The following GMPS variants were observed in gnomAD, a reference collection of about 807,000 sequenced individuals.
The protein encoded by GMPS is guanosine monophosphate synthase.
A neutral mutation model predicts 77.9 loss-of-function variants in GMPS; 15 were observed. The ratio of observed to expected loss-of-function variants is 0.19; its 90% CI spans 0.13 to 0.30. GMPS has a LOEUF of 0.30. Ranked by LOEUF, GMPS falls within the 10% of genes least tolerant of loss-of-function variation. The pLI is 1.00. For synonymous variants in GMPS, 224 were observed against 275.9 expected (o/e 0.81, Z 1.86); for missense variants, 590 against 838.8 (o/e 0.70, Z 3.66).
At chr3:155,880,378 G>C (rs1016345737) in intron 1 of GMPS, among the ~76,000 whole-genome samples, 1 of 152,168 alleles carries the variant, frequency 6.6e-6, no homozygotes, top group Non-Finnish European at 1.5e-5. Flanking sequence ...TGAAGGCTGA[G>C]GGTAACAGTT....
chr3:155,924,891 TAAAA>T (rs201051032), intron 11 of GMPS, among the ~76,000 whole-genome samples: 21 of 150,790 alleles, frequency 1.4e-4, no homozygotes, highest in African/African-American at 4.6e-4. Flanking sequence ...ACCAGGTAAA[TAAAA>T]AAAAAGAAAT....
Position 155,870,912 on chromosome 3 carries a change from C to T in GMPS, c.27+15C>T. The T allele has an allele frequency of 2.7e-6, 4 of 1,472,718 alleles. No individual in the cohort carries two copies. Among genetic ancestry groups the T allele is most frequent in the Non-Finnish European group, 3.6e-6 (4 of 1,113,548 alleles). 91.2% of individuals were successfully genotyped at this position (1,472,718 alleles called of 1,614,324 possible). On this transcript the variant is annotated intron_variant, in intron 1 of 15. Transcript: ENST00000496455. ...GAGACTCCAAGGTCAGCGTGGGGGTCCCTGCAGCACCGCATCCCGGCGGAG... is the reference window on the plus strand; with the variant it reads ...GAGACTCCAAGGTCAGCGTGGGGGTTCCTGCAGCACCGCATCCCGGCGGAG...
chr3:155,872,390 T>C (rs1257340244), intron 1 of GMPS, among the ~76,000 whole-genome samples: 1 of 152,234 alleles, frequency 6.6e-6, no homozygotes, highest in Non-Finnish European at 1.5e-5. Flanking sequence ...ATTGTCCAGC[T>C]CTTTCCCGAT....
chr3:155,931,915 T>A, intron 13 of GMPS, 35 bp downstream of exon 13: 1 of 923,766 alleles, frequency 1.1e-6, no homozygotes, highest in Non-Finnish European at 1.8e-6. Context: ...GGGGCTTGTG[T>A]AATGGAAGGA....
At chr3:155,907,224 T>G (rs1264445070) in intron 5 of GMPS, among the ~76,000 whole-genome samples, 1 of 152,212 alleles carries the variant, frequency 6.6e-6, no homozygotes, top group Non-Finnish European at 1.5e-5. Flanking sequence ...TGTATTTTTA[T>G]TCATCCAACA....
intron 1 of GMPS, among the ~76,000 whole-genome samples, chr3:155,881,163 A>AG (rs1300771469): frequency 9.1e-6 from 1 of 109,602 alleles, no homozygotes; most frequent in African/African-American, 3.4e-5. Context: ...CTTTGATATT[A>AG]GTTTTTTTTT....
intron 11 of GMPS, among the ~76,000 whole-genome samples, chr3:155,922,919 C>A (rs1273017876): frequency 6.6e-6 from 1 of 152,016 alleles, no homozygotes; most frequent in Non-Finnish European, 1.5e-5. Flanking sequence ...GGGAGTTAGG[C>A]AAGGAAAAAT....
intron 13 of GMPS, among the ~76,000 whole-genome samples, chr3:155,933,194 A>G (rs1025227085): frequency 6.6e-5 from 10 of 152,218 alleles, no homozygotes; most frequent in African/African-American, 2.4e-4. Flanking sequence ...TTCATCTCAA[A>G]AAAAGGAAAA....
At position 155,914,530 on chromosome 3, in the gene GMPS, C is replaced by T; in HGVS notation, c.998C>T (p.Pro333Leu). ...ISKTLNMTTS[P>L]EEKRKIIGDT... ...AAAACGTTAAATATGACCACAAGTC[C>T]TGAAGAGAAAAGAAAAATCATTGGG... The change falls in exon 8 of 16, where the codon CCT (proline) becomes CTT (leucine). Residue 333 changes from proline (P) to leucine (L), a missense_variant. Around this residue, in one of 6 missense-constraint regions of GMPS, gnomAD observed 181 missense variants for 186.8 expected, o/e 0.97. Coordinates refer to ENST00000496455, the MANE Select transcript of GMPS (RefSeq NM_003875.3). The T allele has an allele frequency of 1.9e-6, 3 of 1,596,020 alleles. No homozygotes were observed. Among genetic ancestry groups the T allele is most frequent in the Non-Finnish European group, 2.6e-6 (3 of 1,173,650 alleles).
At chr3:155,923,142 T>A (rs1338442658) in intron 11 of GMPS, among the ~76,000 whole-genome samples, 3 of 152,074 alleles carry the variant, frequency 2.0e-5, no homozygotes, top group Non-Finnish European at 4.4e-5. Context: ...CTATTCATAA[T>A]AAGAATAATG....
intron 13 of GMPS, among the ~76,000 whole-genome samples, chr3:155,934,590 G>T (rs1326851186): frequency 6.6e-6 from 1 of 152,182 alleles, no homozygotes; most frequent in Non-Finnish European, 1.5e-5. Context: ...GAGATTCTGG[G>T]TGGGCATGAA....
At chr3:155,903,602 T>G (rs140619027) in intron 3 of GMPS, among the ~76,000 whole-genome samples, 5 of 152,344 alleles carry the variant, frequency 3.3e-5, no homozygotes, top group Non-Finnish European at 7.4e-5. Context: ...GTACACTAAG[T>G]GGAAAATCTG....
chr3:155,881,325 A>C (rs905709119), intron 1 of GMPS, among the ~76,000 whole-genome samples: 5 of 151,916 alleles, frequency 3.3e-5, no homozygotes, highest in Non-Finnish European at 5.9e-5. Context: ...GGCGTGTGCC[A>C]CCATGCCCGG....
At chr3:155,887,766 G>T (rs1754369956) in intron 1 of GMPS, among the ~76,000 whole-genome samples, 1 of 152,052 alleles carries the variant, frequency 6.6e-6, no homozygotes, top group Admixed American at 6.6e-5. Flanking sequence ...GGTTTTGGGG[G>T]AGTGAAAGGT....
In GMPS at chr3:155,924,540, T is replaced by G. The variant is rs990763192; in HGVS notation, c.1435-701T>G. Reference sequence around the variant, plus strand: ...CACTTAAGGACAACTACTGCAAGAATAGAAATAGAGGATTTAACTTCAAAA... The same window carrying G: ...CACTTAAGGACAACTACTGCAAGAAGAGAAATAGAGGATTTAACTTCAAAA... On this transcript the variant is annotated intron_variant, in intron 11 of 15. Transcript: ENST00000496455. 2.0e-5 allele frequency among the ~76,000 whole-genome samples: 3 copies of G among 152,082 alleles called. No individual in the cohort carries two copies. The East Asian group carries it at 5.8e-4, about 29-fold the overall frequency.
At chr3:155,904,265 T>C (rs886815235) in intron 4 of GMPS, among the ~76,000 whole-genome samples, 1 of 152,148 alleles carries the variant, frequency 6.6e-6, no homozygotes, top group Non-Finnish European at 1.5e-5. Flanking sequence ...CTCTTTGATC[T>C]GTTTTTAAAG....
At chr3:155,927,986 G>A (rs1247934891) in intron 12 of GMPS, among the ~76,000 whole-genome samples, 1 of 137,318 alleles carries the variant, frequency 7.3e-6, no homozygotes, top group Non-Finnish European at 1.6e-5. Context: ...ATGTATTTAT[G>A]TAGGATCATT....
At chr3:155,921,611 GC>G (rs1229336979) in intron 10 of GMPS, among the ~76,000 whole-genome samples, 1 of 152,138 alleles carries the variant, frequency 6.6e-6, no homozygotes, top group Non-Finnish European at 1.5e-5. Context: ...AGCCTGAACA[GC>G]ATAGTGAAAC....
At chr3:155,904,094 T>C in intron 4 of GMPS, 134 bp downstream of exon 4, 1 of 498,410 alleles carries the variant, frequency 2.0e-6, no homozygotes, top group South Asian at 3.7e-5. Context: ...AGTGTAATTG[T>C]CATATTTGCC....
Sources: allele counts gnomAD v4.1 joint callset (sites outside exome capture counted in the v4.1 genomes callset), GRCh38; gene constraint gnomAD v4.1.1; regional missense constraint gnomAD v4.1.1; transcripts MANE v1.5; gene names NCBI Gene and HGNC (gene_info 2026-07-23, HGNC 2026-07-21).